Variants in NEBL observed in about 807,000 individuals in gnomAD.
NEBL encodes LIM and SH3 protein 2.
Under a neutral mutation model 140.2 loss-of-function variants are expected in NEBL, and 122 were observed. That is an observed-to-expected ratio of 0.87 (90% CI 0.75 to 1.01). NEBL has a LOEUF of 1.01. Among genes scored for constraint, NEBL ranks in the 50% least tolerant of loss-of-function variants. The pLI, the probability that NEBL is intolerant of heterozygous loss-of-function variation, is 0.00. For missense variants in NEBL, 1,365 were observed against 1,231.3 expected (o/e 1.11, Z -1.62); for synonymous variants, 436 against 398.9 (o/e 1.09, Z -1.11).
intron 2 of NEBL, among the ~76,000 whole-genome samples, chr10:20,896,355 C>A (rs1433375679): frequency 6.6e-6 from 1 of 151,314 alleles, no homozygotes; most frequent in African/African-American, 2.4e-5. Flanking sequence ...TAATATCAAC[C>A]AATCCCAGTT....
At chr10:20,969,166 A>G (rs1335464886) in intron 3 of NEBL, among the ~76,000 whole-genome samples, 4 of 152,224 alleles carry the variant, frequency 2.6e-5, no homozygotes, top group Non-Finnish European at 1.5e-5. Flanking sequence ...TCTGATTAAG[A>G]GTTTTTTTTA....
At chr10:21,103,223 T>TA (rs1269516675) in intron 2 of NEBL, among the ~76,000 whole-genome samples, 2 of 151,514 alleles carry the variant, frequency 1.3e-5, no homozygotes, top group Non-Finnish European at 2.9e-5. Context: ...TCCTTTTTTT[T>TA]TTTTTTTGAG....
At chr10:21,033,084 T>C (rs1833863788) in intron 2 of NEBL, among the ~76,000 whole-genome samples, 1 of 152,198 alleles carries the variant, frequency 6.6e-6, no homozygotes, top group East Asian at 1.9e-4. Context: ...CCCTGTGCTG[T>C]TGCTGATATT....
At position 21,165,940 on chromosome 10, in the gene NEBL, T is replaced by A. The variant is rs148465314; in HGVS notation, c.164+6443A>T. On this transcript the variant is annotated intron_variant, in intron 2 of 6. Coordinates refer to the NEBL transcript ENST00000417816. ...TGGAACTAAACTAGTGTTTCTCATA[T>A]CTTTCAATCACCACTTCCAATAAAA... Among the ~76,000 whole-genome samples, 515 of 152,236 alleles carry A rather than the reference T, an allele frequency of 3.4e-3. 5 individuals carry two copies. The highest frequency in any genetic ancestry group is 0.011 in the African/African-American group (475 of 41,550).
chr10:21,200,308 CTTTTTTTTTT>C (rs10671099), intron 3 of NEBL, among the ~76,000 whole-genome samples: 2 of 81,964 alleles, frequency 2.4e-5, no homozygotes, highest in East Asian at 7.8e-4. Context: ...TTCCAAGGGA[CTTTTTTTTTT>C]TTTTTTTTTT....
At chr10:21,251,968 C>T (rs1363420372) in intron 1 of NEBL, among the ~76,000 whole-genome samples, 2 of 152,204 alleles carry the variant, frequency 1.3e-5, no homozygotes, top group Non-Finnish European at 2.9e-5. Flanking sequence ...CTCTCCCCAT[C>T]TAAAACCAGC....
intron 11 of NEBL, 47 bp downstream of exon 11, chr10:20,850,348 A>C: frequency 5.0e-6 from 7 of 1,408,192 alleles, no homozygotes; most frequent in Non-Finnish European, 7.0e-6. Flanking sequence ...CAAATGACAA[A>C]ACATCAAATT....
Position 20,897,305 on chromosome 10 carries a change from C to T in NEBL, c.-100G>A. ...GATGCTGACGTCTCTGGTGCTCTGG[C>T]AGAAATGCCCTTGCCCAAGCCTCAG... is the stretch of plus-strand genomic sequence containing the variant. On this transcript the variant is annotated 5_prime_UTR_variant, in exon 1 of 28. Transcript: ENST00000377122. 2 of 1,506,910 alleles carry T rather than the reference C, an allele frequency of 1.3e-6. No homozygotes were observed. Among genetic ancestry groups the T allele is most frequent in the South Asian group, 1.3e-5 (1 of 76,482 alleles). 93.3% of individuals were successfully genotyped at this position (1,506,910 alleles called of 1,614,324 possible).
Position 20,785,823 on chromosome 10 carries a change from C to T in NEBL, c.2969G>A (p.Gly990Asp), listed in dbSNP as rs1266520538. ...YIVNVQPIDD[G>D]WMYGTVQRTG... ...TCTCTGCACTGTGCCGTACATCCAG[C>T]CATCGTCAATAGGCTGCACGTTGAC... The change falls in exon 28 of 28, where the codon GGC becomes GAC. Residue 990 changes from glycine (G) to aspartate (D), a missense_variant. This residue lies in a region of NEBL where 42 missense variants were observed against 76.5 expected (regional missense o/e 0.55). Transcript: ENST00000377122. 1 of 1,614,066 alleles carries T rather than the reference C, an allele frequency of 6.2e-7. No individual in the cohort carries two copies. Among genetic ancestry groups the T allele is most frequent in the Non-Finnish European group, 8.5e-7 (1 of 1,179,976 alleles).
In NEBL at chr10:20,966,051, C is replaced by T. The variant is rs553033499; in HGVS notation, c.250-4272G>A. ...AGACTGAAGAAAGGCACTTTGAAAA[C>T]GCATTCAAAGTCAAATGTGAGAAAT... On this transcript the variant is annotated intron_variant, in intron 3 of 6. Transcript: ENST00000417816. Among the ~76,000 whole-genome samples the T allele has an allele frequency of 1.9e-4, 29 of 152,306 alleles. 1 individual carries two copies. The South Asian group carries it at 2.5e-3, about 13-fold the overall frequency.
intron 2 of NEBL, among the ~76,000 whole-genome samples, chr10:21,063,060 C>T (rs1403616359): frequency 6.6e-6 from 1 of 152,052 alleles, no homozygotes; most frequent in Non-Finnish European, 1.5e-5. Context: ...GGGTTGGCCT[C>T]AGTTATATGA....
chr10:21,205,598 G>T lies in NEBL; in HGVS notation n.349-33121C>A, dbSNP rs148668300. Reference sequence around the variant, plus strand: ...TAAGAAGAAAACTTATTACATCTTGGACAAAATTCTGAAAGAATATATACC... The same window carrying T: ...TAAGAAGAAAACTTATTACATCTTGTACAAAATTCTGAAAGAATATATACC... On this transcript the variant is annotated intron_variant and non_coding_transcript_variant, in intron 3 of 8. Transcript: ENST00000675702. 4.8e-3 allele frequency among the ~76,000 whole-genome samples: 725 copies of T among 152,018 alleles called. 8 individuals carry two copies. Among genetic ancestry groups the T allele is most frequent in the African/African-American group, 0.016 (672 of 41,448 alleles).
At chr10:21,263,118 C>T (rs1391290196) in intron 1 of NEBL, among the ~76,000 whole-genome samples, 2 of 152,102 alleles carry the variant, frequency 1.3e-5, no homozygotes, top group Admixed American at 1.3e-4. Flanking sequence ...ATGGCAACAG[C>T]GATTGAACAC....
rs138302427 is a variant in NEBL at position 20,855,629 on chromosome 10, T to C, written c.903+2611A>G. Among the ~76,000 whole-genome samples, 30 of 152,256 alleles carry C rather than the reference T, an allele frequency of 2.0e-4. No individual in the cohort carries two copies. The East Asian group carries it at 5.2e-3, about 26-fold the overall frequency. ...GTCTCTGCTACCTCCTAGTGGGAGA[T>C]ACACGGAGTAACACAAAATATATAT... On this transcript the variant is annotated intron_variant, in intron 9 of 27. Coordinates refer to ENST00000377122, the MANE Select transcript of NEBL (RefSeq NM_006393.3).
intron 2 of NEBL, among the ~76,000 whole-genome samples, chr10:21,076,595 A>C (rs2131921419): frequency 6.6e-6 from 1 of 152,290 alleles, no homozygotes; most frequent in South Asian, 2.1e-4. Flanking sequence ...CAACAGATAA[A>C]AGGCAGAAGC....
intron 1 of NEBL, among the ~76,000 whole-genome samples, chr10:21,265,378 C>T (rs958867104): frequency 1.3e-5 from 2 of 152,164 alleles, no homozygotes. Context: ...ACCACAGCAG[C>T]CTCTTACTCT....
chr10:20,817,550 T>C (rs1163258346), intron 21 of NEBL, 50 bp downstream of exon 21: 1 of 1,367,366 alleles, frequency 7.3e-7, no homozygotes, highest in Non-Finnish European at 1.0e-6. Flanking sequence ...CATTCACACG[T>C]GGACAATGCA....
At chr10:21,108,872 T>C (rs1837840485) in intron 2 of NEBL, among the ~76,000 whole-genome samples, 1 of 152,176 alleles carries the variant, frequency 6.6e-6, no homozygotes, top group Non-Finnish European at 1.5e-5. Context: ...TTAGGATAAT[T>C]AGCTCTTCTT....
At chr10:21,161,807 A>G (rs1840571523) in intron 2 of NEBL, among the ~76,000 whole-genome samples, 2 of 152,204 alleles carry the variant, frequency 1.3e-5, no homozygotes, top group South Asian at 2.1e-4. Context: ...TGCCTGTTGT[A>G]TAATAAAGAA....
Sources: gnomAD v4.1 joint callset for allele counts (sites outside exome capture counted in the v4.1 genomes callset) on GRCh38, gnomAD v4.1.1 for gene constraint, gnomAD v4.1.1 regional missense constraint, MANE v1.5 for transcripts, NCBI Gene and HGNC (gene_info 2026-07-23, HGNC 2026-07-21) for gene names.